FAP: variants seen among roughly 807,000 people sequenced by gnomAD.
FAP encodes the protein prolyl endopeptidase FAP.
Under a neutral mutation model 126.5 loss-of-function variants are expected in FAP, and 110 were observed. That is an observed-to-expected ratio of 0.87 (90% CI 0.74 to 1.02). The LOEUF is 1.02. FAP is among the 50% of genes least tolerant of loss of function. FAP has a pLI of 0.00. For missense variants in FAP, 919 were observed against 909.2 expected (o/e 1.01, Z -0.14); for synonymous variants, 334 against 297.3 (o/e 1.12, Z -1.27).
At chr2:162,200,857 G>T (rs115407511) in intron 14 of FAP, among the ~76,000 whole-genome samples, 1 of 152,036 alleles carries the variant, frequency 6.6e-6, no homozygotes, top group African/African-American at 2.4e-5. Context: ...ATTATATTCT[G>T]ATTCATTATG....
intron 21 of FAP, among the ~76,000 whole-genome samples, chr2:162,176,934 C>T (rs1052712148): frequency 2.6e-5 from 4 of 151,864 alleles, no homozygotes. Flanking sequence ...TATAAATTTT[C>T]TCTGGGAATT....
Position 162,170,942 on chromosome 2 carries a change from T to G in FAP, c.*37A>C. ...ACTGTCTGAGGGGTTTATATAAGGT[T>G]TTCAGATTCTGATACAGGCTTGCAT... On this transcript the variant is annotated 3_prime_UTR_variant, in exon 26 of 26. Transcript: ENST00000188790. 1 of 1,521,298 alleles carries G rather than the reference T, an allele frequency of 6.6e-7. No homozygotes were observed. The allele number at this position is 1,521,298 out of a possible 1,614,324, so 94.2% of individuals were successfully genotyped here. A position where few individuals can be genotyped will look rare whatever the true frequency, so the allele number is the denominator to read the frequency against.
chr2:162,219,980 A>C, intron 6 of FAP, 55 bp from the exon 7 acceptor site: 1 of 1,203,238 alleles, frequency 8.3e-7, no homozygotes, highest in Non-Finnish European at 1.2e-6. Context: ...ATGCAAAAAA[A>C]TAATAATCTG....
At chr2:162,173,811 AT>A in intron 22 of FAP, 24 bp from the exon 23 acceptor site, 1 of 1,445,182 alleles carries the variant, frequency 6.9e-7, no homozygotes, top group Non-Finnish European at 9.7e-7. Flanking sequence ...GAGAATATGC[AT>A]TGTTTGCATG....
At chr2:162,207,772 G>A (rs1688764463) in intron 12 of FAP, among the ~76,000 whole-genome samples, 1 of 150,754 alleles carries the variant, frequency 6.6e-6, no homozygotes, top group African/African-American at 2.4e-5. Context: ...GTGCAGTGGC[G>A]CGATCTCTGC....
At chr2:162,194,927 A>T (rs935237783) in intron 16 of FAP, 179 bp from the exon 17 acceptor site, 3 of 613,470 alleles carry the variant, frequency 4.9e-6, no homozygotes, top group East Asian at 5.6e-5. Flanking sequence ...TAAACAATAC[A>T]TGAGATCAAA....
At position 162,203,109 on chromosome 2, in the gene FAP, T is replaced by C; in HGVS notation, c.1084A>G (p.Ile362Val). 6.2e-7 allele frequency: 1 copy of C among 1,613,426 alleles called. No individual in the cohort carries two copies. The highest frequency in any genetic ancestry group is 8.5e-7 in the Non-Finnish European group (1 of 1,179,728). ...VSTPVFSYDA[I>V]SYYKIFSDKD... is the part of the protein sequence containing the mutation. ...TCACTAAATATTTTGTAGTACGAAA[T>C]GGCATCATAGCTGAAAACTGGTGTT... The change falls in exon 13 of 26, where the codon ATT (isoleucine) becomes GTT (valine). Residue 362 changes from isoleucine (I) to valine (V), a missense_variant. Coordinates refer to ENST00000188790, the MANE Select transcript of FAP (RefSeq NM_004460.5).
intron 2 of FAP, among the ~76,000 whole-genome samples, chr2:162,233,340 C>T (rs1689976728): frequency 1.3e-5 from 2 of 151,974 alleles, no homozygotes; most frequent in Admixed American, 6.6e-5. Flanking sequence ...CTGTCTACTG[C>T]TTGTCTCTAT....
intron 20 of FAP, among the ~76,000 whole-genome samples, chr2:162,185,347 T>C (rs566526312): frequency 6.6e-6 from 1 of 152,178 alleles, no homozygotes; most frequent in Non-Finnish European, 1.5e-5. Flanking sequence ...TTTCATCTCA[T>C]GTAATTCTTC....
At chr2:162,203,651 C>T (rs1202956340) in intron 12 of FAP, among the ~76,000 whole-genome samples, 5 of 152,076 alleles carry the variant, frequency 3.3e-5, no homozygotes, top group Admixed American at 3.3e-4. Context: ...TGAGGAGGGG[C>T]TTCTGGACTT....
At position 162,209,983 on chromosome 2, in the gene FAP, A is replaced by G. The variant is rs770722382; in HGVS notation, c.1016T>C (p.Ile339Thr). Residue 339 changes from isoleucine to threonine, a missense_variant, in exon 12 of 26, where the codon ATA becomes ACA. By Grantham distance (89) the Ile-to-Thr change is moderately conservative (BLOSUM62 -1). Transcript: ENST00000188790. ...AGCCCATCCAGTTCTGCTTTCTTCT[A>G]TATGCTCCTGGGTCTAAAAGACAAA... Reference protein sequence around the residue: ...TWDCPKTQEHIEESRTGWAGG... With the variant: ...TWDCPKTQEHTEESRTGWAGG... 9.3e-6 allele frequency: 15 copies of G among 1,612,974 alleles called. No individual in the cohort carries two copies. In the East Asian group the frequency reaches 1.8e-4, roughly 19 times the overall value.
chr2:162,239,895 C>G (rs1206265656), intron 2 of FAP, among the ~76,000 whole-genome samples: 1 of 152,150 alleles, frequency 6.6e-6, no homozygotes, highest in African/African-American at 2.4e-5. Context: ...AATTTACCTG[C>G]AAAATTCTGC....
intron 17 of FAP, among the ~76,000 whole-genome samples, chr2:162,193,208 A>G (rs1002799038): frequency 6.6e-6 from 1 of 152,220 alleles, no homozygotes; most frequent in Non-Finnish European, 1.5e-5. Flanking sequence ...AACATTTACT[A>G]TTAAAAATAC....
intron 22 of FAP, among the ~76,000 whole-genome samples, chr2:162,174,481 T>C (rs1247694880): frequency 1.3e-5 from 2 of 152,178 alleles, no homozygotes. Flanking sequence ...AACTGGCAAT[T>C]GCTAACTGTG....
intron 25 of FAP, chr2:162,171,942 A>G (rs1306859531): frequency 6.6e-6 from 1 of 152,114 alleles, no homozygotes; most frequent in Non-Finnish European, 1.5e-5. Flanking sequence ...TCTTCCAGCT[A>G]TTTTGAATTA....
chr2:162,242,439 T>A (rs1475740916), intron 2 of FAP, among the ~76,000 whole-genome samples: 1 of 152,204 alleles, frequency 6.6e-6, no homozygotes, highest in Admixed American at 6.5e-5. Context: ...ATACAGCTAT[T>A]CCTGAGATCT....
At position 162,216,171 on chromosome 2, in the gene FAP, G is replaced by A. The variant is rs144705772; in HGVS notation, c.763-170C>T. On this transcript the variant is annotated intron_variant, in intron 9 of 25. Transcript: ENST00000188790. ...AAGGAATCTCATTTCAATTTTACCT[G>A]CAGGGCAATTACAAATGTTGTGTCA... Among the ~76,000 whole-genome samples the A allele has an allele frequency of 3.6e-3, 543 of 152,238 alleles. 3 individuals carry two copies. Among genetic ancestry groups the A allele is most frequent in the Non-Finnish European group, 4.7e-3 (320 of 68,004 alleles).
chr2:162,228,798 A>T (rs1689770434), intron 2 of FAP, among the ~76,000 whole-genome samples: 1 of 152,188 alleles, frequency 6.6e-6, no homozygotes, highest in Non-Finnish European at 1.5e-5. Context: ...CATTAAAATA[A>T]TTGCCAAGTA....
chr2:162,189,233 G>A, intron 18 of FAP, 61 bp from the exon 19 acceptor site: 1 of 980,034 alleles, frequency 1.0e-6, no homozygotes, highest in Non-Finnish European at 1.6e-6. Context: ...ATCATTTATT[G>A]TCTTTAATAA....
Sources: gnomAD v4.1 joint callset for allele counts (sites outside exome capture counted in the v4.1 genomes callset) on GRCh38, gnomAD v4.1.1 for gene constraint, MANE v1.5 for transcripts, NCBI Gene and HGNC (gene_info 2026-07-23, HGNC 2026-07-21) for gene names.